Variants in PCSK7 observed in about 807,000 individuals in gnomAD.
PCSK7 encodes the protein proprotein convertase subtilisin/kexin type 7.
A neutral mutation model predicts 73.3 loss-of-function variants in PCSK7; 38 were observed. The observed-to-expected ratio is 0.52, with a 90% CI of 0.40 to 0.68. The LOEUF is 0.68. PCSK7 is among the 30% of genes least tolerant of loss of function. The pLI is 0.00. For missense variants in PCSK7, 692 were observed against 991.5 expected (o/e 0.70, Z 4.06); for synonymous variants, 296 against 383.8 (o/e 0.77, Z 2.68).
intron 12 of PCSK7, chr11:117,210,580 A>G (rs2031684178): frequency 6.6e-6 from 1 of 152,230 alleles, no homozygotes; most frequent in South Asian, 2.1e-4. Context: ...GATGGTCTCA[A>G]TCTCTTGACC....
chr11:117,227,088 G>C (rs540755013), intron 5 of PCSK7, 69 bp downstream of exon 5: 3 of 1,238,606 alleles, frequency 2.4e-6, no homozygotes, highest in African/African-American at 1.5e-5. Flanking sequence ...AGAGTAGGGA[G>C]GGGTGCAGGA....
Position 117,208,920 on chromosome 11 carries a change from G to C in PCSK7, c.1668C>G (p.Ile556Met). The change falls in exon 13 of 17, where the codon ATC becomes ATG. Residue 556 changes from isoleucine (I) to methionine (M), a missense_variant. By Grantham distance (10) the Ile-to-Met change is conservative. Around this residue, in one of 6 missense-constraint regions of PCSK7, gnomAD observed 20 missense variants for 32.1 expected, o/e 0.62. Coordinates refer to ENST00000320934, the MANE Select transcript of PCSK7 (RefSeq NM_004716.4). ...LFCPSGMMSL[I>M]GAPRSMDSDP... ...ACGAGTCCATGCTGCGGGGGGCGCC[G>C]ATGAGGGACATCATGCCACTGGGGC... 1 of 1,612,702 alleles carries C rather than the reference G, an allele frequency of 6.2e-7. No individual in the cohort carries two copies. Among genetic ancestry groups the C allele is most frequent in the South Asian group, 1.1e-5 (1 of 90,728 alleles).
At chr11:117,215,364 T>TTTTTTTTTTTGTGTGTGTGTGTGTGTG (rs57433360) in intron 12 of PCSK7, 2 of 84,902 alleles carry the variant, frequency 2.4e-5, no homozygotes, top group African/African-American at 7.5e-5. Context: ...CCTGGCTAAT[T>TTTTTTTTTTTGTGTGTGTGTGTGTGTG]TGTGTGTGTG....
chr11:117,224,162 C>A lies in PCSK7; in HGVS notation c.970G>T (p.Val324Leu), dbSNP rs2032317380. ...AGRQGFGSIF[V>L]VASGNGGQHN... ...TGGCCTCCGTTGCCACTGGCTACCA[C>A]AAAGATGCTCCCAAAGCCCTGGCGA... The change falls in exon 8 of 17, where the codon GTG becomes TTG. Residue 324 changes from valine to leucine, a missense_variant. Transcript: ENST00000320934. 1 of 1,614,050 alleles carries A rather than the reference C, an allele frequency of 6.2e-7. No individual in the cohort carries two copies. Among genetic ancestry groups the A allele is most frequent in the African/African-American group, 1.3e-5 (1 of 74,914 alleles).
chr11:117,216,513 C>T (rs1208814907), intron 12 of PCSK7: 2 of 145,630 alleles, frequency 1.4e-5, no homozygotes, highest in South Asian at 2.2e-4. Context: ...GATCTCAGCT[C>T]ACTGCAACCT....
At chr11:117,215,378 G>GTGTGTGTGTGTGTGTGTA (rs1565307913) in intron 12 of PCSK7, 3 of 62,542 alleles carry the variant, frequency 4.8e-5, no homozygotes, top group Admixed American at 1.7e-4. Flanking sequence ...GTGTGTGTGT[G>GTGTGTGTGTGTGTGTGTA]TGTATATATA....
intron 12 of PCSK7, chr11:117,212,641 G>C (rs1307126652): frequency 1.3e-5 from 2 of 151,408 alleles, no homozygotes; most frequent in Non-Finnish European, 1.5e-5. Flanking sequence ...TCGAACTTCT[G>C]ACCTTGTGAT....
rs772933904 is a variant in PCSK7 at position 117,223,191 on chromosome 11, G to C, written c.1155+17C>G. 1 of 1,501,476 alleles carries C rather than the reference G, an allele frequency of 6.7e-7. No homozygotes were observed. The highest frequency in any genetic ancestry group is 9.3e-7 in the Non-Finnish European group (1 of 1,077,242). 93.0% of individuals were successfully genotyped at this position (1,501,476 alleles called of 1,614,324 possible). ...GTGGGAAAGGGGCAGGCCGTGGAGGGCCCGGGAGGCACTCACAATGCTCCG... is the reference window on the plus strand; with the variant it reads ...GTGGGAAAGGGGCAGGCCGTGGAGGCCCCGGGAGGCACTCACAATGCTCCG... On this transcript the variant is annotated intron_variant, in intron 9 of 16. Transcript: ENST00000320934.
intron 4 of PCSK7, among the ~76,000 whole-genome samples, chr11:117,227,710 G>A (rs1328207007): frequency 6.6e-6 from 1 of 152,146 alleles, no homozygotes; most frequent in Non-Finnish European, 1.5e-5. Context: ...CAAAGTGCTG[G>A]GATTACAGGC....
At chr11:117,230,038 C>T in intron 2 of PCSK7, 182 bp from the exon 3 acceptor site, 1 of 538,034 alleles carries the variant, frequency 1.9e-6, no homozygotes, top group Non-Finnish European at 3.3e-6. Context: ...AGGGATAAGC[C>T]CCCAGGTGGA....
chr11:117,222,844 A>G (rs4938359), intron 9 of PCSK7: 44,939 of 180,804 alleles, frequency 0.25, 6,051 homozygotes, highest in African/African-American at 0.35. Flanking sequence ...ACAGGGTTTC[A>G]CCATGTTGGC....
intron 9 of PCSK7, 95 bp downstream of exon 9, chr11:117,223,113 C>A: frequency 1.3e-6 from 1 of 790,260 alleles, no homozygotes; most frequent in Non-Finnish European, 2.3e-6. Flanking sequence ...AGTGTTGGGG[C>A]GGGGAAGCAG....
intron 12 of PCSK7, chr11:117,215,362 A>ATTTTTT (rs1255701993): frequency 1.9e-4 from 14 of 73,774 alleles, no homozygotes; most frequent in Admixed American, 3.0e-4. Context: ...TGCCTGGCTA[A>ATTTTTT]TTTGTGTGTG....
At position 117,219,699 on chromosome 11, in the gene PCSK7, G is replaced by A; in HGVS notation, c.1215C>T (p.Thr405=). 5.6e-6 allele frequency: 9 copies of A among 1,611,360 alleles called. No individual in the cohort carries two copies. Among genetic ancestry groups the A allele is most frequent in the Non-Finnish European group, 7.6e-6 (9 of 1,178,870 alleles). ...GTGCTEGHTG[T]SAAAPLAAGM... is the part of the protein sequence containing the mutation. ...CAGCTGCCAGAGGCGCTGCAGCTGA[G>A]GTCCCTGTGTGGCCCTCAGTGCAGC... The change falls in exon 10 of 17, where the codon ACC becomes ACT. Residue 405 remains threonine, a synonymous_variant. Coordinates refer to ENST00000320934, the MANE Select transcript of PCSK7 (RefSeq NM_004716.4).
chr11:117,224,483 G>C (rs555462323), intron 7 of PCSK7, among the ~76,000 whole-genome samples: 3 of 152,218 alleles, frequency 2.0e-5, no homozygotes, highest in African/African-American at 7.2e-5. Flanking sequence ...TGGGAGCTGA[G>C]GATAAGATGA....
At chr11:117,209,747 G>A (rs1165934414) in intron 12 of PCSK7, 2 of 153,388 alleles carry the variant, frequency 1.3e-5, no homozygotes, top group African/African-American at 4.8e-5. Context: ...GGGAGGGTGA[G>A]GTGGGAGGAT....
At chr11:117,224,366 C>G in intron 7 of PCSK7, 150 bp from the exon 8 acceptor site, 1 of 773,692 alleles carries the variant, frequency 1.3e-6, no homozygotes, top group Non-Finnish European at 2.1e-6. Context: ...AAGATGGACC[C>G]CGCATGTGAG....
At chr11:117,209,459 G>A (rs1187459396) in intron 12 of PCSK7, 4 of 195,190 alleles carry the variant, frequency 2.0e-5, no homozygotes, top group Non-Finnish European at 4.1e-5. Context: ...TAATTGATAA[G>A]GGAAGAGAAA....
intron 9 of PCSK7, chr11:117,222,100 T>C (rs1471647321): frequency 6.6e-6 from 1 of 152,242 alleles, no homozygotes; most frequent in Admixed American, 6.5e-5. Flanking sequence ...ATCTCCCGAC[T>C]CAGCCACTGG....
Sources: gnomAD v4.1 joint callset for allele counts (sites outside exome capture counted in the v4.1 genomes callset) on GRCh38, gnomAD v4.1.1 for gene constraint, gnomAD v4.1.1 regional missense constraint, MANE v1.5 for transcripts, NCBI Gene and HGNC (gene_info 2026-07-23, HGNC 2026-07-21) for gene names.